Variants in LRP2 observed in about 807,000 individuals in gnomAD.
LRP2 encodes the protein low-density lipoprotein receptor-related protein 2.
In LRP2, 172 loss-of-function variants were observed where a neutral mutation model predicts 531.0. The observed-to-expected ratio is 0.32, with a 90% CI of 0.29 to 0.37. The LOEUF (loss-of-function observed/expected upper bound fraction) is 0.37, where lower values mean the gene tolerates loss of function less well. Among genes scored for constraint, LRP2 ranks in the 10% least tolerant of loss-of-function variants. The pLI is 1.00. For synonymous variants in LRP2, 1,992 were observed against 2,027.6 expected (o/e 0.98, Z 0.47); for missense variants, 5,167 against 5,868.3 (o/e 0.88, Z 3.90).
At chr2:169,327,960 C>A (rs1442687623) in intron 1 of LRP2, among the ~76,000 whole-genome samples, 5 of 102,422 alleles carry the variant, frequency 4.9e-5, no homozygotes, top group Admixed American at 8.7e-5. Context: ...GCCCGGCCAG[C>A]CGCCCCGTCC....
Position 169,226,580 on chromosome 2 carries a change from G to T in LRP2, c.5236C>A (p.Pro1746Thr), listed in dbSNP as rs780646097. ...TGTTGCCTTACAGTTATTAAGAAAG[G>T]TTGATCATCTGTGAAAATAGAAGAA... ...DLLNCLRDDQ[P>T]FLITVRQHII... Residue 1746 changes from proline (P) to threonine (T), a missense_variant, in exon 32 of 79, where the codon CCT becomes ACT. Around this residue, in one of 6 missense-constraint regions of LRP2, gnomAD observed 2,811 missense variants for 3,058.0 expected, o/e 0.92. Coordinates refer to ENST00000649046, the MANE Select transcript of LRP2 (RefSeq NM_004525.3). 5.0e-6 allele frequency: 8 copies of T among 1,609,728 alleles called. No individual in the cohort carries two copies. The highest frequency in any genetic ancestry group is 4.4e-5 in the South Asian group (4 of 90,988).
chr2:169,269,235 C>A (rs1057307506), intron 16 of LRP2, among the ~76,000 whole-genome samples: 1 of 152,072 alleles, frequency 6.6e-6, no homozygotes, highest in Non-Finnish European at 1.5e-5. Context: ...ACTTTCTTCA[C>A]AGAATTGGAA....
chr2:169,333,578 A>C (rs1434284674), intron 1 of LRP2, among the ~76,000 whole-genome samples: 5 of 152,200 alleles, frequency 3.3e-5, no homozygotes, highest in African/African-American at 1.2e-4. Flanking sequence ...CAAAAATTGT[A>C]ATTTGTTTTA....
At chr2:169,280,767 A>G (rs1442389480) in intron 10 of LRP2, among the ~76,000 whole-genome samples, 1 of 152,228 alleles carries the variant, frequency 6.6e-6, no homozygotes, top group Non-Finnish European at 1.5e-5. Flanking sequence ...TTTGGTAAGA[A>G]TTCAAGCATT....
chr2:169,318,695 T>A (rs1684831967), intron 3 of LRP2, 67 bp downstream of exon 3: 1 of 1,610,262 alleles, frequency 6.2e-7, no homozygotes, highest in South Asian at 1.1e-5. Flanking sequence ...TGTGTGTAAC[T>A]TCTTTGCGAC....
At chr2:169,259,816 A>G (rs1228380947) in intron 16 of LRP2, among the ~76,000 whole-genome samples, 18 of 151,610 alleles carry the variant, frequency 1.2e-4, no homozygotes, top group Non-Finnish European at 2.7e-4. Flanking sequence ...TCTTTTTTTC[A>G]CTAAAGAAAA....
rs146827354 is a variant in LRP2, at chr2:169,257,028, A to G, written c.2639+96T>C. The G allele has an allele frequency of 9.7e-4, 1,355 of 1,403,592 alleles. 23 individuals are homozygous for G. In the Admixed American group the frequency reaches 0.016, roughly 17 times the overall value. The allele number at this position is 1,403,592 out of a possible 1,614,324, so 86.9% of individuals were successfully genotyped here. Reference sequence around the variant, plus strand: ...TTAAAATTCCGCGAGGGCAAGCAGTACCAGTTTCCTTACACCATCATATCA... The same window carrying G: ...TTAAAATTCCGCGAGGGCAAGCAGTGCCAGTTTCCTTACACCATCATATCA... On this transcript the variant is annotated intron_variant, in intron 18 of 78. Coordinates refer to ENST00000649046, the MANE Select transcript of LRP2 (RefSeq NM_004525.3).
intron 1 of LRP2, among the ~76,000 whole-genome samples, chr2:169,361,340 G>GTCTCTCTC (rs1240569991): frequency 4.3e-5 from 1 of 23,272 alleles, no homozygotes; most frequent in South Asian, 1.2e-3. Context: ...GTCTCTCTCT[G>GTCTCTCTC]TCTCTCTCTG....
chr2:169,142,793 A>G lies in LRP2; in HGVS notation c.12989T>C (p.Val4330Ala). Residue 4330 changes from valine (V) to alanine (A), a missense_variant and splice_region_variant, in exon 71 of 79, where the codon GTG (valine) becomes GCG (alanine). By Grantham distance (64) the Val-to-Ala change is moderately conservative. Coordinates refer to ENST00000649046, the MANE Select transcript of LRP2 (RefSeq NM_004525.3). ...IFHQLRYNKS[V>A]PNLCKQICSH... ...GCAGATCTGTTTGCAAAGGTTGGGCACTGGAAAGCGGGTGAGAACAGCAGT... is the reference window on the plus strand; with the variant it reads ...GCAGATCTGTTTGCAAAGGTTGGGCGCTGGAAAGCGGGTGAGAACAGCAGT... The G allele has an allele frequency of 6.2e-7, 1 of 1,613,946 alleles. No homozygotes were observed. Among genetic ancestry groups the G allele is most frequent in the Non-Finnish European group, 8.5e-7 (1 of 1,179,846 alleles).
Position 169,145,940 on chromosome 2 carries a change from G to A in LRP2, c.12812-17C>T, listed in dbSNP as rs2105347286. 9 of 1,613,356 alleles carry A rather than the reference G, an allele frequency of 5.6e-6. No individual in the cohort carries two copies. Among genetic ancestry groups the A allele is most frequent in the East Asian group, 4.5e-5 (2 of 44,836 alleles). ...GGTTCATTGCTGCTTACCCACAGGG[G>A]AAAAACAAAACAGAAGGTTATTGAA... On this transcript the variant is annotated splice_polypyrimidine_tract_variant and intron_variant, in intron 69 of 78. Coordinates refer to ENST00000649046, the MANE Select transcript of LRP2 (RefSeq NM_004525.3).
intron 1 of LRP2, among the ~76,000 whole-genome samples, chr2:169,358,828 A>G (rs1686063854): frequency 6.8e-6 from 1 of 147,270 alleles, no homozygotes; most frequent in Non-Finnish European, 1.5e-5. Flanking sequence ...CCCCATTTCT[A>G]TTTTTGAAAA....
At chr2:169,242,826 C>A (rs184340941) in intron 24 of LRP2, 130 bp downstream of exon 24, 8 of 782,272 alleles carry the variant, frequency 1.0e-5, no homozygotes, top group East Asian at 9.7e-5. Context: ...ATGTTCAATA[C>A]CACATTCCTT....
rs1322737464 is a variant in LRP2 at position 169,275,082 on chromosome 2, C to T, written c.1929G>A (p.Leu643=). 1 of 1,613,708 alleles carries T rather than the reference C, an allele frequency of 6.2e-7. No homozygotes were observed. ...GGTAAACAGTCACTCCATAGGGCCT[C>T]AGGGAAGCCTGGTAGTACACTTGTG... ...TNPQVYYQAS[L]RPYGVTVYHS... Residue 643 remains leucine, a synonymous_variant, in exon 14 of 79, where the codon CTG becomes CTA. Transcript: ENST00000649046.
chr2:169,261,003 A>G (rs958491093), intron 16 of LRP2, among the ~76,000 whole-genome samples: 3 of 152,020 alleles, frequency 2.0e-5, no homozygotes, highest in Non-Finnish European at 4.4e-5. Context: ...CAAGAAAGGG[A>G]TTAGAGGTGA....
chr2:169,299,086 GGAAAGAAAGAAAGAAAGAAAGAAAGAAA>G (rs767873350), intron 4 of LRP2, among the ~76,000 whole-genome samples: 679 of 25,340 alleles, frequency 0.027, 10 homozygotes, highest in African/African-American at 0.049. Context: ...AAAGAAAGAA[GGAAAGAAAGAAAGAAAGAAAGAAAGAAA>G]GAAAGAAAGA....
At chr2:169,198,723 T>A in intron 45 of LRP2, 63 bp downstream of exon 45, 1 of 1,591,298 alleles carries the variant, frequency 6.3e-7, no homozygotes, top group Non-Finnish European at 8.6e-7. Flanking sequence ...CTTCATATCT[T>A]TGTATTAGCT....
chr2:169,168,715 A>C (rs755524662), intron 60 of LRP2, 39 bp from the exon 61 acceptor site: 2 of 1,611,956 alleles, frequency 1.2e-6, no homozygotes. Context: ...ATTATTATAC[A>C]AATTGACTAC....
chr2:169,281,375 T>C (rs1683699937), intron 10 of LRP2, among the ~76,000 whole-genome samples: 1 of 151,940 alleles, frequency 6.6e-6, no homozygotes, highest in South Asian at 2.1e-4. Flanking sequence ...TGAGGCAAGA[T>C]CTTGCCATTG....
Position 169,186,127 on chromosome 2 carries a change from A to T in LRP2, c.9329-108T>A, listed in dbSNP as rs528387238. 1.8e-4 allele frequency: 173 copies of T among 964,858 alleles called. 4 individuals are homozygous for T. The South Asian group carries it at 2.3e-3, about 13-fold the overall frequency. The allele number at this position is 964,858 out of a possible 1,614,324, so 59.8% of individuals were successfully genotyped here. The stretch of plus-strand genomic sequence containing the variant: ...AAACAGTGCCAATTCTTAATGAATC[A>T]TGCTAAGACAGACAACAAAGACTTC... On this transcript the variant is annotated intron_variant, in intron 49 of 78. Transcript: ENST00000649046.
Sources: gnomAD v4.1 joint callset for allele counts (sites outside exome capture counted in the v4.1 genomes callset) on GRCh38, gnomAD v4.1.1 for gene constraint, gnomAD v4.1.1 regional missense constraint, MANE v1.5 for transcripts, NCBI Gene and HGNC (gene_info 2026-07-23, HGNC 2026-07-21) for gene names.